Variants in ZSWIM6 observed in about 807,000 individuals in gnomAD.
ZSWIM6 encodes zinc finger SWIM-type containing 6, also known as zinc finger SWIM domain-containing protein 6.
A neutral mutation model predicts 113.2 loss-of-function variants in ZSWIM6; 9 were observed. The ratio of observed to expected loss-of-function variants is 0.08; its 90% CI spans 0.05 to 0.14. ZSWIM6 has a LOEUF of 0.14. Ranked by LOEUF, ZSWIM6 falls within the 10% of genes least tolerant of loss-of-function variation. The pLI, the probability that ZSWIM6 is intolerant of heterozygous loss-of-function variation, is 1.00. For synonymous variants in ZSWIM6, 611 were observed against 606.5 expected (o/e 1.01, Z -0.11); for missense variants, 1,162 against 1,552.2 (o/e 0.75, Z 4.22).
intron 4 of ZSWIM6, among the ~76,000 whole-genome samples, chr5:61,497,442 C>T (rs892997643): frequency 6.6e-6 from 1 of 152,158 alleles, no homozygotes; most frequent in Non-Finnish European, 1.5e-5. Context: ...TCCCCCCATG[C>T]TCCAGCTAAC....
At chr5:61,392,001 T>G (rs1745727467) in intron 1 of ZSWIM6, 1 of 410,488 alleles carries the variant, frequency 2.4e-6, no homozygotes, top group African/African-American at 2.1e-5. Context: ...CCTTCAAGAT[T>G]GTATTTCCCT....
rs529446490 is a variant in ZSWIM6 at position 61,346,400 on chromosome 5, G to A, written c.676+13452G>A. 2.6e-5 allele frequency among the ~76,000 whole-genome samples: 4 copies of A among 152,240 alleles called. No homozygotes were observed. In the East Asian group the frequency reaches 5.8e-4, roughly 22 times the overall value. ...ATAGTGTAATCTTTCTGTAGTTAGA[G>A]GTTATAGTAGATAATTCAAAAGTGG... On this transcript the variant is annotated intron_variant, in intron 1 of 13. Coordinates refer to ENST00000252744, the MANE Select transcript of ZSWIM6 (RefSeq NM_020928.2).
intron 4 of ZSWIM6, among the ~76,000 whole-genome samples, chr5:61,499,321 GCTGTGTTGTTAAC>G (rs1428984722): frequency 6.6e-6 from 1 of 152,108 alleles, no homozygotes; most frequent in African/African-American, 2.4e-5. Context: ...CACTGTCAGT[GCTGTGTTGTTAAC>G]CTTCTTTCCA....
At chr5:61,478,984 A>T (rs1362298785) in intron 2 of ZSWIM6, among the ~76,000 whole-genome samples, 1 of 152,132 alleles carries the variant, frequency 6.6e-6, no homozygotes, top group Non-Finnish European at 1.5e-5. Context: ...CAGCCTGGCC[A>T]ACATGGTGAA....
chr5:61,511,041 A>C (rs1340322377), intron 4 of ZSWIM6, among the ~76,000 whole-genome samples: 2 of 152,176 alleles, frequency 1.3e-5, no homozygotes, highest in Non-Finnish European at 2.9e-5. Flanking sequence ...AATTAATAAA[A>C]TTTGGAGAAT....
At chr5:61,359,561 A>C (rs1744988007) in intron 1 of ZSWIM6, among the ~76,000 whole-genome samples, 1 of 152,184 alleles carries the variant, frequency 6.6e-6, no homozygotes, top group Non-Finnish European at 1.5e-5. Flanking sequence ...GGGAACCCGC[A>C]GATTTTGCTT....
intron 1 of ZSWIM6, among the ~76,000 whole-genome samples, chr5:61,373,851 G>A (rs1184783323): frequency 6.6e-6 from 1 of 152,060 alleles, no homozygotes. Flanking sequence ...TAAAATTATA[G>A]GATGTAGTAG....
At chr5:61,421,372 T>C (rs935300047) in intron 1 of ZSWIM6, among the ~76,000 whole-genome samples, 2 of 152,388 alleles carry the variant, frequency 1.3e-5, no homozygotes, top group Non-Finnish European at 2.9e-5. Context: ...TTTGTCTTTC[T>C]ATGCCTGGCT....
chr5:61,545,084 A>AC lies in ZSWIM6; in HGVS notation c.*767_*768insC, dbSNP rs548930558. ...TAGCTTGGTTTTAAACAAAAACAAA[A>AC]AAAAAACTGAGAGAAAACCTATCAG... is the stretch of plus-strand genomic sequence containing the variant. On this transcript the variant is annotated 3_prime_UTR_variant, in exon 14 of 14. Transcript: ENST00000252744. 1.3e-5 allele frequency: 2 copies of AC among 151,574 alleles called. No homozygotes were observed. The highest frequency in any genetic ancestry group is 2.4e-5 in the African/African-American group (1 of 41,162). 9.4% of individuals were successfully genotyped at this position (151,574 alleles called of 1,614,324 possible).
intron 9 of ZSWIM6, among the ~76,000 whole-genome samples, chr5:61,532,445 C>A (rs1471407012): frequency 6.6e-6 from 1 of 152,060 alleles, no homozygotes. Flanking sequence ...TGGTGTGTAA[C>A]TATTGCTTCT....
At position 61,472,476 on chromosome 5, in the gene ZSWIM6, T is replaced by C. The variant is rs1747596133; in HGVS notation, c.677-205T>C. On this transcript the variant is annotated intron_variant, in intron 1 of 13. Coordinates refer to ENST00000252744, the MANE Select transcript of ZSWIM6 (RefSeq NM_020928.2). This position sits in a 1 kb window ranked among gnomAD's most constrained non-coding sequence, Gnocchi z 4.1. ...TGTGTAAAATACTTCAGCATATCAG[T>C]TGAATACCATTTATTTATTTTTCTT... is the stretch of plus-strand genomic sequence containing the variant. Among the ~76,000 whole-genome samples, 1 of 152,196 alleles carries C rather than the reference T, an allele frequency of 6.6e-6. No individual in the cohort carries two copies. The highest frequency in any genetic ancestry group is 1.5e-5 in the Non-Finnish European group (1 of 68,038).
chr5:61,413,592 C>T (rs572490269), intron 1 of ZSWIM6, among the ~76,000 whole-genome samples: 134 of 152,188 alleles, frequency 8.8e-4, no homozygotes, highest in Non-Finnish European at 1.3e-3. Flanking sequence ...CCTGAGAAAT[C>T]GCCACACTGA....
intron 4 of ZSWIM6, among the ~76,000 whole-genome samples, chr5:61,514,385 G>A (rs556521674): frequency 6.7e-6 from 1 of 150,032 alleles, no homozygotes; most frequent in Non-Finnish European, 1.5e-5. Context: ...TTGCTTTATT[G>A]GCCTGTCTAG....
At chr5:61,535,310 T>G (rs562442980) in intron 9 of ZSWIM6, among the ~76,000 whole-genome samples, 174 bp from the exon 10 acceptor site, 1 of 152,354 alleles carries the variant, frequency 6.6e-6, no homozygotes, top group East Asian at 1.9e-4. Flanking sequence ...CTGTAACGGA[T>G]GCTATACCCT....
intron 1 of ZSWIM6, among the ~76,000 whole-genome samples, chr5:61,443,449 A>G (rs554464042): frequency 1.1e-4 from 16 of 152,326 alleles, no homozygotes; most frequent in African/African-American, 3.8e-4. Flanking sequence ...TCCATCCTGT[A>G]TAATTCTAAC....
intron 1 of ZSWIM6, among the ~76,000 whole-genome samples, chr5:61,423,175 G>A (rs1237783363): frequency 6.6e-6 from 1 of 152,154 alleles, no homozygotes; most frequent in Non-Finnish European, 1.5e-5. Context: ...GGGAGGCCAA[G>A]GCAGGTGGAT....
intron 2 of ZSWIM6, 150 bp downstream of exon 2, chr5:61,473,187 A>G (rs185649365): frequency 5.1e-5 from 28 of 544,622 alleles, no homozygotes; most frequent in Middle Eastern, 9.9e-4. Context: ...TTTGTATTCT[A>G]AAACATTTCT....
chr5:61,430,941 G>A (rs1746568189), intron 1 of ZSWIM6, among the ~76,000 whole-genome samples: 1 of 152,036 alleles, frequency 6.6e-6, no homozygotes, highest in Admixed American at 6.5e-5. Context: ...AGAACTTTAA[G>A]GAAAAAACTG....
At chr5:61,399,178 G>C (rs933810659) in intron 1 of ZSWIM6, among the ~76,000 whole-genome samples, 1 of 150,328 alleles carries the variant, frequency 6.7e-6, no homozygotes, top group African/African-American at 2.4e-5. Context: ...ACCCGCCTCA[G>C]CCTCCCAAAG....
Sources: gnomAD v4.1 joint callset for allele counts (sites outside exome capture counted in the v4.1 genomes callset) on GRCh38, gnomAD v4.1.1 for gene constraint, Gnocchi (gnomAD v3.1) non-coding constraint, MANE v1.5 for transcripts, NCBI Gene and HGNC (gene_info 2026-07-23, HGNC 2026-07-21) for gene names.